GTF2F1: variants seen among roughly 807,000 people sequenced by gnomAD.
GTF2F1 encodes general transcription factor IIF 74 kDa subunit.
GTF2F1 carries 39 observed loss-of-function variants against 63.5 expected under a neutral mutation model. That is an observed-to-expected ratio of 0.61 (90% CI 0.48 to 0.80). The LOEUF (loss-of-function observed/expected upper bound fraction) is 0.80, where lower values mean the gene tolerates loss of function less well. Ranked by LOEUF, GTF2F1 falls within the 30% of genes least tolerant of loss-of-function variation. The pLI is 0.00. For missense variants in GTF2F1, 657 were observed against 718.3 expected (o/e 0.91, Z 0.97); for synonymous variants, 287 against 285.3 (o/e 1.01, Z -0.06).
intron 4 of GTF2F1, among the ~76,000 whole-genome samples, chr19:6,389,181 A>C (rs1388715138): frequency 6.6e-6 from 1 of 152,152 alleles, no homozygotes; most frequent in East Asian, 1.9e-4. Flanking sequence ...GGTTGCAGTG[A>C]GCCAAGATCG....
intron 4 of GTF2F1, among the ~76,000 whole-genome samples, chr19:6,388,764 G>A (rs1489656247): frequency 2.0e-5 from 3 of 152,082 alleles, no homozygotes; most frequent in African/African-American, 4.8e-5. Context: ...CTTGAGCAAC[G>A]CAGCAAGACC....
intron 2 of GTF2F1, 113 bp from the exon 3 acceptor site, chr19:6,392,087 A>G (rs1271869138): frequency 4.4e-6 from 3 of 682,726 alleles, no homozygotes; most frequent in Non-Finnish European, 8.2e-6. Flanking sequence ...TGGATCGTTA[A>G]TTCAATCAAA....
chr19:6,387,258 A>T, intron 5 of GTF2F1, 131 bp downstream of exon 5: 1 of 803,998 alleles, frequency 1.2e-6, no homozygotes, highest in Non-Finnish European at 2.0e-6. Flanking sequence ...GACAGCTCTG[A>T]GACGGCCGAG....
rs962780298 is a variant in GTF2F1 at position 6,383,925 on chromosome 19, T to A, written c.498-430A>T. 2.0e-5 allele frequency among the ~76,000 whole-genome samples: 3 copies of A among 150,874 alleles called. No homozygotes were observed. The highest frequency in any genetic ancestry group is 4.4e-5 in the Non-Finnish European group (3 of 67,942). On this transcript the variant is annotated intron_variant, in intron 5 of 12. Transcript: ENST00000394456. The surrounding 1 kb of genome is among the most constrained non-coding windows in gnomAD (Gnocchi z 4.5). Reference sequence around the variant, plus strand: ...AATTCTCCTGACTCAGCCTCCCAGATAGCCGGGGTTCCAGGCGCCTGCCAC... The same window carrying A: ...AATTCTCCTGACTCAGCCTCCCAGAAAGCCGGGGTTCCAGGCGCCTGCCAC...
At position 6,381,768 on chromosome 19, in the gene GTF2F1, G is replaced by A. The variant is rs375772878; in HGVS notation, c.765C>T (p.Asp255=). The A allele has an allele frequency of 3.7e-6, 6 of 1,613,924 alleles. No individual in the cohort carries two copies. The highest frequency in any genetic ancestry group is 2.2e-5 in the South Asian group (2 of 91,084). The change falls in exon 7 of 13, where the codon GAC becomes GAT. Residue 255 remains aspartate, a synonymous_variant. Coordinates refer to ENST00000394456, the MANE Select transcript of GTF2F1 (RefSeq NM_002096.3). The surrounding 1 kb of genome is among the most constrained non-coding windows in gnomAD (Gnocchi z 4.1). ...RKKKKKKGSD[D]EAFEDSDDGD... ...CATCATCGCTGTCCTCGAAGGCCTC[G>A]TCGTCTGAACCCTTCTTCTTCTTCT...
chr19:6,382,358 G>A (rs975334616), intron 6 of GTF2F1, among the ~76,000 whole-genome samples: 2 of 152,110 alleles, frequency 1.3e-5, no homozygotes, highest in East Asian at 1.9e-4. Flanking sequence ...TAGGCCGGGC[G>A]TGGTGGCTCA....
Position 6,381,789 on chromosome 19 carries a change from CTTCT to C in GTF2F1, c.740_743del (p.Lys247ArgfsTer167), listed in dbSNP as rs2091953254. ...CCTCGTCGTCTGAACCCTTCTTCTTCTTCTTTTTCCTGCCGCCCTTGGCCAGCGG... is the reference window on the plus strand; with the variant it reads ...CCTCGTCGTCTGAACCCTTCTTCTTCTTTTCCTGCCGCCCTTGGCCAGCGG... On this transcript the variant is annotated frameshift_variant, in exon 7 of 13. Transcript: ENST00000394456. LOFTEE classifies it high-confidence loss of function. This position sits in a 1 kb window ranked among gnomAD's most constrained non-coding sequence, Gnocchi z 4.1. The C allele has an allele frequency of 1.2e-6, 2 of 1,614,008 alleles. No homozygotes were observed. Among genetic ancestry groups the C allele is most frequent in the Admixed American group, 1.7e-5 (1 of 59,996 alleles).
In GTF2F1 at chr19:6,389,460, C is replaced by T. The variant is rs757008742; in HGVS notation, c.310G>A (p.Gly104Ser). The T allele has an allele frequency of 5.0e-6, 8 of 1,613,866 alleles. No individual in the cohort carries two copies. The highest frequency in any genetic ancestry group is 3.3e-5 in the South Asian group (3 of 91,066). ...EDQPWLLRVNGKSGRKFKGIK... is the reference protein window; with the variant it reads ...EDQPWLLRVNSKSGRKFKGIK... ...ACCACTTACTTCCTGCCTGATTTGC[C>T]GTTGACCCGGAGCAGCCAGGGCTGG... Residue 104 changes from glycine (G) to serine (S), a missense_variant, in exon 4 of 13, where the codon GGC (glycine) becomes AGC (serine). Physicochemically the swap from Gly to Ser is moderately conservative, Grantham distance 56. Coordinates refer to ENST00000394456, the MANE Select transcript of GTF2F1 (RefSeq NM_002096.3).
intron 3 of GTF2F1, among the ~76,000 whole-genome samples, chr19:6,390,922 C>T (rs1459431285): frequency 6.6e-6 from 1 of 152,094 alleles, no homozygotes; most frequent in Non-Finnish European, 1.5e-5. Flanking sequence ...TTGTGCAACA[C>T]TTGCTGACAT....
rs765317586 is a variant in GTF2F1, at chr19:6,381,624, C to A, written c.837-9G>T. ...GCTCTTCTTGGGAGCTACTGTAAGA[C>A]GGGGATGGCAAAGGATGAGCGCGCG... On this transcript the variant is annotated splice_polypyrimidine_tract_variant and intron_variant, in intron 7 of 12. Transcript: ENST00000394456. The surrounding 1 kb of genome is among the most constrained non-coding windows in gnomAD (Gnocchi z 4.1). The A allele has an allele frequency of 6.2e-7, 1 of 1,613,838 alleles. No individual in the cohort carries two copies. The highest frequency in any genetic ancestry group is 1.3e-5 in the African/African-American group (1 of 74,940).
Position 6,389,322 on chromosome 19 carries a change from G to A in GTF2F1, c.326+122C>T, listed in dbSNP as rs982463454. 2.1e-4 allele frequency: 122 copies of A among 576,288 alleles called. No homozygotes were observed. The East Asian group carries it at 3.5e-3, about 17-fold the overall frequency. 35.7% of individuals were successfully genotyped at this position (576,288 alleles called of 1,614,324 possible). A position where few individuals can be genotyped will look rare whatever the true frequency, so the allele number is the denominator to read the frequency against. On this transcript the variant is annotated intron_variant, in intron 4 of 12. Transcript: ENST00000394456. ...AAATCCTACAGGGATGGAAGTGCCA[G>A]CACTTCCACTGCAGCAGTGGGAATC...
chr19:6,387,633 C>G, intron 4 of GTF2F1, 74 bp from the exon 5 acceptor site: 1 of 1,159,894 alleles, frequency 8.6e-7, no homozygotes, highest in Non-Finnish European at 1.2e-6. Context: ...CGGGGCCTGC[C>G]TCCTTTATGG....
intron 2 of GTF2F1, chr19:6,392,499 C>G (rs1489684351): frequency 1.9e-6 from 1 of 534,526 alleles, no homozygotes; most frequent in African/African-American, 1.9e-5. Flanking sequence ...AGGGGAGGCA[C>G]TCATGGCAGA....
Position 6,381,827 on chromosome 19 carries a change from T to C in GTF2F1, c.706A>G (p.Lys236Glu). 1 of 1,613,304 alleles carries C rather than the reference T, an allele frequency of 6.2e-7. No individual in the cohort carries two copies. The highest frequency in any genetic ancestry group is 8.5e-7 in the Non-Finnish European group (1 of 1,179,956). Residue 236 changes from lysine to glutamate, a missense_variant, in exon 7 of 13, where the codon AAG (lysine) becomes GAG (glutamate). Physicochemically the swap from Lys to Glu is moderately conservative, Grantham distance 56 (BLOSUM62 1). Coordinates refer to ENST00000394456, the MANE Select transcript of GTF2F1 (RefSeq NM_002096.3). The surrounding 1 kb of genome is among the most constrained non-coding windows in gnomAD (Gnocchi z 4.1). ...EEGGRVPKAK[K>E]KAPLAKGGRK... is the part of the protein sequence containing the mutation. ...CCGCCCTTGGCCAGCGGCGCCTTCT[T>C]CTTGGCCTTGGGGACTCTGCCCCCT...
chr19:6,380,910 C>A lies in GTF2F1; in HGVS notation c.1225G>T (p.Glu409Ter). Residue 409 changes from glutamate to a stop codon, truncating the protein, a stop_gained, in exon 11 of 13, where the codon GAG becomes TAG. Transcript: ENST00000394456. LOFTEE classifies it high-confidence loss of function. This position sits in a 1 kb window ranked among gnomAD's most constrained non-coding sequence, Gnocchi z 5.3. Reference sequence around the variant, plus strand: ...GGAGGCCACGGGCACTCACCTTGCTCGAGTTTGCTGGCAGCCGCCCGCAGG... The same window carrying A: ...GGAGGCCACGGGCACTCACCTTGCTAGAGTTTGCTGGCAGCCGCCCGCAGG... ...STLRAAASKL[E>*]QGKRVSEMPA... 1 of 1,562,092 alleles carries A rather than the reference C, an allele frequency of 6.4e-7. No homozygotes were observed. The highest frequency in any genetic ancestry group is 8.6e-7 in the Non-Finnish European group (1 of 1,156,446).
intron 4 of GTF2F1, among the ~76,000 whole-genome samples, chr19:6,388,234 C>T (rs1406560561): frequency 6.6e-6 from 1 of 152,154 alleles, no homozygotes; most frequent in Non-Finnish European, 1.5e-5. Flanking sequence ...CCAGCCATGG[C>T]ATGGCCAAAT....
chr19:6,383,520 C>A lies in GTF2F1; in HGVS notation c.498-25G>T. On this transcript the variant is annotated intron_variant, in intron 5 of 12. Transcript: ENST00000394456. This position sits in a 1 kb window ranked among gnomAD's most constrained non-coding sequence, Gnocchi z 4.5. Reference sequence around the variant, plus strand: ...CCTGCGGGCCAGGCACAGGGGGGCTCATGCCGGGCCTGGCACCACCCTGCA... The same window carrying A: ...CCTGCGGGCCAGGCACAGGGGGGCTAATGCCGGGCCTGGCACCACCCTGCA... 1 of 1,606,434 alleles carries A rather than the reference C, an allele frequency of 6.2e-7. No homozygotes were observed. The highest frequency in any genetic ancestry group is 8.5e-7 in the Non-Finnish European group (1 of 1,175,938).
At chr19:6,390,839 C>CA (rs1459579470) in intron 3 of GTF2F1, among the ~76,000 whole-genome samples, 5 of 152,050 alleles carry the variant, frequency 3.3e-5, no homozygotes, top group African/African-American at 1.2e-4. Context: ...CAGGTCGCGC[C>CA]ACTGCACTCC....
At chr19:6,387,235 T>C (rs1599213926) in intron 5 of GTF2F1, 154 bp downstream of exon 5, 2 of 672,034 alleles carry the variant, frequency 3.0e-6, no homozygotes, top group East Asian at 5.6e-5. Context: ...TCCTATCTGT[T>C]TCCTCCTGAA....
Sources: allele counts gnomAD v4.1 joint callset (sites outside exome capture counted in the v4.1 genomes callset), GRCh38; gene constraint gnomAD v4.1.1; non-coding constraint Gnocchi (gnomAD v3.1); transcripts MANE v1.5; gene names NCBI Gene and HGNC (gene_info 2026-07-23, HGNC 2026-07-21).